The following TASP1 variants were observed in gnomAD, a reference collection of about 807,000 sequenced individuals.
TASP1 encodes taspase 1, also known as threonine aspartase 1.
A neutral mutation model predicts 56.6 loss-of-function variants in TASP1; 16 were observed. The ratio of observed to expected loss-of-function variants is 0.28; its 90% CI spans 0.19 to 0.43. The LOEUF (loss-of-function observed/expected upper bound fraction) is 0.43. TASP1 is among the 20% of genes least tolerant of loss of function. The pLI is 1.00. For synonymous variants in TASP1, 179 were observed against 184.2 expected (o/e 0.97, Z 0.23); for missense variants, 393 against 511.6 (o/e 0.77, Z 2.24).
the TASP1 span, among the ~76,000 whole-genome samples, chr20:13,346,787 C>T: frequency 1.3e-5 from 2 of 152,212 alleles, no homozygotes; most frequent in African/African-American, 4.8e-5. Context: ...GACACAGTTA[C>T]CTTAGTTCCT....
At chr20:13,234,331 A>G in the TASP1 span, among the ~76,000 whole-genome samples, 1 of 152,114 alleles carries the variant, frequency 6.6e-6, no homozygotes, top group Non-Finnish European at 1.5e-5. Flanking sequence ...TCCATGGTAT[A>G]TTTCTTTACC....
chr20:13,159,861 TTCAA>T, the TASP1 span: 2 of 1,172,724 alleles, frequency 1.7e-6, no homozygotes, highest in Non-Finnish European at 2.3e-6. Flanking sequence ...GTTTAAAAAC[TTCAA>T]TCATCTTCCA....
rs141999856 is a variant in TASP1, at chr20:13,498,666, A to G, written c.875-15329T>C. On this transcript the variant is annotated intron_variant, in intron 10 of 13. Coordinates refer to ENST00000337743, the MANE Select transcript of TASP1 (RefSeq NM_017714.3). ...GCCTGAACAAACACTTTTCAAAAGAAGACATACAAATGGCCAACAAACATA... is the reference window on the plus strand; with the variant it reads ...GCCTGAACAAACACTTTTCAAAAGAGGACATACAAATGGCCAACAAACATA... Among the ~76,000 whole-genome samples the G allele has an allele frequency of 1.8e-3, 276 of 151,484 alleles. 1 individual carries two copies. The highest frequency in any genetic ancestry group is 6.3e-3 in the African/African-American group (259 of 41,286).
chr20:13,363,542 A>G, the TASP1 span, among the ~76,000 whole-genome samples: 1 of 152,238 alleles, frequency 6.6e-6, no homozygotes, highest in South Asian at 2.1e-4. Context: ...ATTAATCAAA[A>G]CAAAAGAAGG....
the TASP1 span, among the ~76,000 whole-genome samples, chr20:13,341,572 G>T: frequency 2.6e-5 from 4 of 152,148 alleles, no homozygotes; most frequent in African/African-American, 9.7e-5. Flanking sequence ...GTTCTCTGTG[G>T]TCTCTTCCAA....
At chr20:13,610,380 T>C (rs1338532938) in intron 4 of TASP1, among the ~76,000 whole-genome samples, 2 of 152,190 alleles carry the variant, frequency 1.3e-5, no homozygotes, top group Non-Finnish European at 2.9e-5. Context: ...GGACCAGTGT[T>C]ACCCTGAGGT....
chr20:13,151,447 C>T, the TASP1 span, among the ~76,000 whole-genome samples: 1 of 152,172 alleles, frequency 6.6e-6, no homozygotes, highest in Non-Finnish European at 1.5e-5. Flanking sequence ...TGTCAGCATC[C>T]CTAAGAAAGA....
chr20:13,229,835 TC>T, the TASP1 span, among the ~76,000 whole-genome samples: 6 of 152,142 alleles, frequency 3.9e-5, no homozygotes, highest in Non-Finnish European at 7.4e-5. Flanking sequence ...CAGAAATCCC[TC>T]TCTCTCTTCT....
Position 13,469,792 on chromosome 20 carries a change from C to CTTTTTTTTTTTTTTTTTT in TASP1, c.985+13417_985+13434dup, listed in dbSNP as rs546419566. Among the ~76,000 whole-genome samples the CTTTTTTTTTTTTTTTTTT allele has an allele frequency of 6.3e-4, 25 of 39,546 alleles. 5 individuals carry two copies. Among genetic ancestry groups the CTTTTTTTTTTTTTTTTTT allele is most frequent in the East Asian group, 2.0e-3 (2 of 1,008 alleles). 25.9% of individuals were successfully genotyped at this position (39,546 alleles called of 152,430 possible). On this transcript the variant is annotated intron_variant, in intron 11 of 13. Coordinates refer to ENST00000337743, the MANE Select transcript of TASP1 (RefSeq NM_017714.3). ...ACAGTTGTCCAGGTCAATAAATGTC[C>CTTTTTTTTTTTTTTTTTT]TTTTTTTTTTTTTTTTTTTTTTTTT...
chr20:13,221,376 C>T, the TASP1 span, among the ~76,000 whole-genome samples: 4 of 148,026 alleles, frequency 2.7e-5, no homozygotes, highest in African/African-American at 9.8e-5. Context: ...TCGGCTGCGC[C>T]CGCCCCGCCG....
intron 13 of TASP1, among the ~76,000 whole-genome samples, chr20:13,415,939 G>A (rs916971126): frequency 2.6e-5 from 4 of 152,070 alleles, no homozygotes; most frequent in African/African-American, 9.7e-5. Context: ...AGGATTCTTG[G>A]GGTTTATCAG....
chr20:13,577,126 C>T (rs766597274), intron 6 of TASP1, among the ~76,000 whole-genome samples: 6 of 151,910 alleles, frequency 3.9e-5, no homozygotes, highest in Non-Finnish European at 7.4e-5. Flanking sequence ...ATGGGGGTCA[C>T]GGTGAGCATG....
rs575896175 is a variant in TASP1, at chr20:13,565,843, C to T, written c.568+3664G>A. 1.3e-4 allele frequency among the ~76,000 whole-genome samples: 20 copies of T among 152,094 alleles called. No individual in the cohort carries two copies. The South Asian group carries it at 2.9e-3, about 22-fold the overall frequency. On this transcript the variant is annotated intron_variant, in intron 7 of 13. Coordinates refer to ENST00000337743, the MANE Select transcript of TASP1 (RefSeq NM_017714.3). ...ACCATGTGATCCAGCAATTCCATTT[C>T]GGGGTACCCAAAAAAAATGGACAGC...
At chr20:13,293,503 CTT>C in the TASP1 span, among the ~76,000 whole-genome samples, 1 of 146,552 alleles carries the variant, frequency 6.8e-6, no homozygotes, top group Non-Finnish European at 1.5e-5. Context: ...AGTCCTGAGT[CTT>C]TTTTTTTTTC....
the TASP1 span, among the ~76,000 whole-genome samples, chr20:13,138,703 A>G: frequency 1.3e-5 from 2 of 152,202 alleles, no homozygotes; most frequent in Non-Finnish European, 2.9e-5. Flanking sequence ...TAACTACTTC[A>G]TGGATGGGTG....
At chr20:13,611,015 C>G (rs564881397) in intron 4 of TASP1, among the ~76,000 whole-genome samples, 6 of 151,914 alleles carry the variant, frequency 3.9e-5, no homozygotes. Context: ...AGGATTCAAC[C>G]CTGGAAAAAA....
At chr20:13,254,145 A>T in the TASP1 span, among the ~76,000 whole-genome samples, 1 of 151,726 alleles carries the variant, frequency 6.6e-6, no homozygotes, top group Non-Finnish European at 1.5e-5. Context: ...AGGCAGGAGA[A>T]TCACTTGAGC....
the TASP1 span, among the ~76,000 whole-genome samples, chr20:13,253,898 C>T: frequency 1.3e-5 from 2 of 151,410 alleles, no homozygotes. Flanking sequence ...TATGTTTATA[C>T]ACACACATAA....
chr20:13,313,999 G>C, the TASP1 span, among the ~76,000 whole-genome samples: 2 of 152,178 alleles, frequency 1.3e-5, no homozygotes, highest in African/African-American at 4.8e-5. Flanking sequence ...GGATGCTTTT[G>C]ATGGGCTTTT....
Sources: gnomAD v4.1 joint callset for allele counts (sites outside exome capture counted in the v4.1 genomes callset) on GRCh38, gnomAD v4.1.1 for gene constraint, MANE v1.5 for transcripts, NCBI Gene and HGNC (gene_info 2026-07-23, HGNC 2026-07-21) for gene names.